Variants in MAGI1 observed in about 807,000 individuals in gnomAD.
MAGI1 encodes membrane-associated guanylate kinase, WW and PDZ domain-containing protein 1.
In MAGI1, 58 loss-of-function variants were observed where a neutral mutation model predicts 139.9. That is an observed-to-expected ratio of 0.41 (90% CI 0.34 to 0.52). The LOEUF (loss-of-function observed/expected upper bound fraction) is 0.52. Among genes scored for constraint, MAGI1 ranks in the 20% least tolerant of loss-of-function variants. The pLI, the probability that MAGI1 is intolerant of heterozygous loss-of-function variation, is 0.12. For synonymous variants in MAGI1, 812 were observed against 737.9 expected, an observed-to-expected ratio of 1.10 and a Z score of -1.63; for missense variants, 1,874 against 1,901.6, an observed-to-expected ratio of 0.99 and a Z score of 0.27.
At chr3:65,824,456 C>T (rs528957347) in intron 1 of MAGI1, among the ~76,000 whole-genome samples, 128 of 152,258 alleles carry the variant, frequency 8.4e-4, no homozygotes, top group Middle Eastern at 3.4e-3. Flanking sequence ...GGTATAGAGG[C>T]CCCAGGTGAA....
chr3:65,517,765 C>G (rs954012994), intron 2 of MAGI1, among the ~76,000 whole-genome samples: 2 of 152,104 alleles, frequency 1.3e-5, no homozygotes, highest in African/African-American at 4.8e-5. Flanking sequence ...TCAAACAACT[C>G]CAAACTCTTT....
intron 1 of MAGI1, among the ~76,000 whole-genome samples, chr3:65,834,005 A>G (rs11713645): frequency 0.12 from 17,899 of 152,242 alleles, 1,310 homozygotes; most frequent in South Asian, 0.32. Context: ...ATTCTTACTC[A>G]GCACCTACTT....
At chr3:65,535,394 G>C (rs1482197825) in intron 2 of MAGI1, among the ~76,000 whole-genome samples, 1 of 152,148 alleles carries the variant, frequency 6.6e-6, no homozygotes, top group East Asian at 1.9e-4. Flanking sequence ...TCTGAAATAA[G>C]CTGTTGACTC....
intron 2 of MAGI1, among the ~76,000 whole-genome samples, chr3:65,587,079 A>C (rs58546139): frequency 0.38 from 57,026 of 151,944 alleles, 12,088 homozygotes; most frequent in East Asian, 0.66. Context: ...GTTGGGGTTG[A>C]AGCTCATTTG....
At chr3:65,690,756 T>TGTGCTGGGATGACAGCCTCCCAAG in intron 1 of MAGI1, among the ~76,000 whole-genome samples, 1 of 151,846 alleles carries the variant, frequency 6.6e-6, no homozygotes, top group South Asian at 2.1e-4. Context: ...AGCCTCCCAA[T>TGTGCTGGGATGACAGCCTCCCAAG]GTGCTGGGAT....
At chr3:66,007,366 TAAACAGAAGAATTAGGAAGCC>T (rs942582709) in intron 1 of MAGI1, among the ~76,000 whole-genome samples, 2 of 152,204 alleles carry the variant, frequency 1.3e-5, no homozygotes, top group African/African-American at 4.8e-5. Flanking sequence ...AATCAAGTTG[TAAACAGAAGAATTAGGAAGCC>T]AAAAAGCAGG....
intron 1 of MAGI1, among the ~76,000 whole-genome samples, chr3:66,032,433 G>A (rs570614261): frequency 6.9e-5 from 10 of 144,562 alleles, no homozygotes; most frequent in Non-Finnish European, 7.5e-5. Flanking sequence ...TCTTGGCCAG[G>A]CTGGTCTTGA....
At chr3:65,472,039 T>C (rs546329250) in intron 4 of MAGI1, among the ~76,000 whole-genome samples, 1 of 152,302 alleles carries the variant, frequency 6.6e-6, no homozygotes, top group South Asian at 2.1e-4. Flanking sequence ...CCTCATTTTG[T>C]TTGCTTGAAC....
chr3:65,778,958 G>C (rs2038708063), intron 1 of MAGI1, among the ~76,000 whole-genome samples: 2 of 152,142 alleles, frequency 1.3e-5, no homozygotes, highest in African/African-American at 4.8e-5. Context: ...TCATCTAGGG[G>C]TCGAGACCAG....
intron 1 of MAGI1, among the ~76,000 whole-genome samples, chr3:65,678,400 GTTTTGCAT>G (rs950992765): frequency 2.0e-5 from 3 of 151,886 alleles, no homozygotes; most frequent in Non-Finnish European, 4.4e-5. Context: ...AGTGAGAGTA[GTTTTGCAT>G]TTTTCTTAAG....
chr3:66,037,129 A>G (rs975843877), intron 1 of MAGI1, among the ~76,000 whole-genome samples: 1 of 152,182 alleles, frequency 6.6e-6, no homozygotes, highest in Non-Finnish European at 1.5e-5. Context: ...GACCTTGAGC[A>G]AGTCACTTAA....
intron 1 of MAGI1, among the ~76,000 whole-genome samples, chr3:65,808,369 C>T (rs905948927): frequency 6.6e-6 from 1 of 151,942 alleles, no homozygotes; most frequent in African/African-American, 2.4e-5. Context: ...CATGGTGGCA[C>T]ACTCCTGTAA....
chr3:65,493,693 T>A, intron 2 of MAGI1, 62 bp from the exon 3 acceptor site: 2 of 1,599,764 alleles, frequency 1.3e-6, no homozygotes, highest in Non-Finnish European at 1.7e-6. Context: ...AAGTTCCACA[T>A]CCAGGTGTAA....
At chr3:65,370,476 TTTAC>T (rs1941878921) in intron 18 of MAGI1, among the ~76,000 whole-genome samples, 1 of 152,222 alleles carries the variant, frequency 6.6e-6, no homozygotes. Context: ...CAGTTTTATG[TTTAC>T]TTGTTTCTAA....
At chr3:65,501,081 C>T (rs937742323) in intron 2 of MAGI1, among the ~76,000 whole-genome samples, 1 of 152,154 alleles carries the variant, frequency 6.6e-6, no homozygotes, top group African/African-American at 2.4e-5. Context: ...ATATGACAAT[C>T]AGCACTACAA....
chr3:65,636,009 T>C (rs1186836461), intron 1 of MAGI1, among the ~76,000 whole-genome samples: 2 of 152,158 alleles, frequency 1.3e-5, no homozygotes, highest in African/African-American at 4.8e-5. Context: ...CAATTTCCCA[T>C]CAACAGAGCA....
At chr3:65,746,422 T>A (rs2035714178) in intron 1 of MAGI1, among the ~76,000 whole-genome samples, 1 of 152,226 alleles carries the variant, frequency 6.6e-6, no homozygotes, top group South Asian at 2.1e-4. Context: ...TTCTCCTATA[T>A]AGGATGATAA....
intron 2 of MAGI1, among the ~76,000 whole-genome samples, chr3:65,589,725 A>G (rs2081873699): frequency 6.6e-6 from 1 of 152,178 alleles, no homozygotes; most frequent in African/African-American, 2.4e-5. Context: ...TACAATAACC[A>G]GATGACCAGG....
At chr3:65,613,333 A>G (rs923966159) in intron 2 of MAGI1, among the ~76,000 whole-genome samples, 2 of 152,340 alleles carry the variant, frequency 1.3e-5, no homozygotes, top group South Asian at 2.1e-4. Flanking sequence ...TAAGTGCTCA[A>G]TTAATGACAG....
Sources: gnomAD v4.1 joint callset for allele counts (sites outside exome capture counted in the v4.1 genomes callset) on GRCh38, gnomAD v4.1.1 for gene constraint, MANE v1.5 for transcripts, NCBI Gene and HGNC (gene_info 2026-07-23, HGNC 2026-07-21) for gene names.